ABCA6: variants seen among roughly 807,000 people sequenced by gnomAD.
ABCA6 encodes ATP-binding cassette sub-family A member 6.
In ABCA6, 164 loss-of-function variants were observed where a neutral mutation model predicts 191.2. The ratio of observed to expected loss-of-function variants is 0.86; its 90% CI spans 0.76 to 0.98. The LOEUF is 0.98. Ranked by LOEUF, ABCA6 falls within the 50% of genes least tolerant of loss-of-function variation. The pLI, the probability that ABCA6 is intolerant of heterozygous loss-of-function variation, is 0.00. For missense variants in ABCA6, 1,958 were observed against 1,894.1 expected (o/e 1.03, Z -0.63); for synonymous variants, 636 against 647.7 (o/e 0.98, Z 0.27).
chr17:69,132,842 C>T (rs991628353), intron 6 of ABCA6, among the ~76,000 whole-genome samples: 1 of 150,858 alleles, frequency 6.6e-6, no homozygotes, highest in South Asian at 2.1e-4. Flanking sequence ...AAATACATAT[C>T]TATCTACCTA....
chr17:69,106,239 C>A, intron 18 of ABCA6, 28 bp from the exon 19 acceptor site: 1 of 1,579,922 alleles, frequency 6.3e-7, no homozygotes, highest in Non-Finnish European at 8.6e-7. Flanking sequence ...CACAAACACA[C>A]ATATTATAAT....
chr17:69,107,799 A>G lies in ABCA6; in HGVS notation c.2286T>C (p.Asp762=). 6 of 1,607,194 alleles carry G rather than the reference A, an allele frequency of 3.7e-6. No individual in the cohort carries two copies. Among genetic ancestry groups the G allele is most frequent in the Non-Finnish European group, 4.2e-6 (5 of 1,176,586 alleles). Residue 762 remains aspartate, a synonymous_variant, in exon 18 of 39, where the codon GAT becomes GAC. Coordinates refer to ENST00000284425, the MANE Select transcript of ABCA6 (RefSeq NM_080284.3). ...RTNTFPDLFS[D]LDKCSDQGVT... ...CTCCCTGGTCAGAACACTTATCCAG[A>G]TCACTGAAAAGATCTAAGGCAAAAA...
At chr17:69,112,587 AGTG>A in intron 15 of ABCA6, 1 of 255,814 alleles carries the variant, frequency 3.9e-6, no homozygotes. Context: ...CTCATTTATC[AGTG>A]AGAGCTAAAA....
intron 7 of ABCA6, 101 bp from the exon 8 acceptor site, chr17:69,128,905 A>G (rs1223345155): frequency 1.1e-6 from 1 of 905,306 alleles, no homozygotes; most frequent in Non-Finnish European, 1.6e-6. Flanking sequence ...CATAACATAA[A>G]TATTTATCAG....
chr17:69,085,743 A>G, intron 30 of ABCA6, 27 bp from the exon 31 acceptor site: 3 of 1,475,294 alleles, frequency 2.0e-6, no homozygotes, highest in Non-Finnish European at 2.8e-6. Flanking sequence ...GACTATCAAT[A>G]TTGGAAGTGA....
intron 2 of ABCA6, 26 bp from the exon 3 acceptor site, chr17:69,137,526 A>G: frequency 6.3e-7 from 1 of 1,591,556 alleles, no homozygotes; most frequent in Non-Finnish European, 8.6e-7. Context: ...AAAGAAAAAT[A>G]ATGAATTAAG....
intron 14 of ABCA6, 49 bp from the exon 15 acceptor site, chr17:69,113,409 G>A (rs2073470872): frequency 1.3e-6 from 2 of 1,554,970 alleles, no homozygotes; most frequent in East Asian, 2.3e-5. Flanking sequence ...CACATTAACT[G>A]TATCCAGAAG....
intron 20 of ABCA6, chr17:69,104,138 G>T (rs2073240810): frequency 6.6e-6 from 1 of 152,002 alleles, no homozygotes; most frequent in East Asian, 1.9e-4. Context: ...GGCAGACAGG[G>T]ATGCTCACAT....
chr17:69,099,202 G>C (rs561594076), intron 22 of ABCA6, among the ~76,000 whole-genome samples: 3 of 152,278 alleles, frequency 2.0e-5, no homozygotes, highest in South Asian at 2.1e-4. Flanking sequence ...CACTCTAGCA[G>C]CATCTAGGAC....
At chr17:69,109,434 C>T (rs1288205831) in intron 17 of ABCA6, 1 of 152,042 alleles carries the variant, frequency 6.6e-6, no homozygotes, top group Non-Finnish European at 1.5e-5. Context: ...GTGCTGCTAC[C>T]CAGTTGGCAG....
chr17:69,079,299 A>T (rs2072571051), intron 37 of ABCA6, 34 bp from the exon 38 acceptor site: 1 of 1,514,988 alleles, frequency 6.6e-7, no homozygotes, highest in Non-Finnish European at 8.9e-7. Context: ...TTAATAGTAG[A>T]TGCTTACAAT....
Position 69,096,270 on chromosome 17 carries a change from GT to G in ABCA6, c.3377del (p.Asn1126ThrfsTer21). 6.6e-7 allele frequency: 1 copy of G among 1,521,482 alleles called. No individual in the cohort carries two copies. Among genetic ancestry groups the G allele is most frequent in the Admixed American group, 2.2e-5 (1 of 45,996 alleles). 94.2% of individuals were successfully genotyped at this position (1,521,482 alleles called of 1,614,324 possible). A position where few individuals can be genotyped will look rare whatever the true frequency, so the allele number is the denominator to read the frequency against. On this transcript the variant is annotated frameshift_variant, in exon 25 of 39. Coordinates refer to ENST00000284425, the MANE Select transcript of ABCA6 (RefSeq NM_080284.3). LOFTEE classifies it high-confidence loss of function. The stretch of plus-strand genomic sequence containing the variant: ...AGAAGTAAAATGACCAAAGGCCACT[GT>G]TTTTTCTCCTTTTGCGAAAAATAAA... ...ISFIFRKRRK[N>X]SGLWSFYFFF...
At chr17:69,091,325 A>G in intron 25 of ABCA6, 63 bp from the exon 26 acceptor site, 1 of 1,559,508 alleles carries the variant, frequency 6.4e-7, no homozygotes. Context: ...TTTGTAAAAC[A>G]TTTAAGATGC....
intron 6 of ABCA6, among the ~76,000 whole-genome samples, chr17:69,132,584 A>G (rs2073883606): frequency 6.6e-6 from 1 of 152,102 alleles, no homozygotes; most frequent in African/African-American, 2.4e-5. Context: ...AGGTTCCAGC[A>G]ATTCTCCTGC....
At chr17:69,089,406 G>T (rs779588563) in intron 27 of ABCA6, 59 bp downstream of exon 27, 14 of 1,491,394 alleles carry the variant, frequency 9.4e-6, no homozygotes, top group Non-Finnish European at 1.3e-5. Context: ...AGATCAAATT[G>T]TTATAGTGAA....
At chr17:69,105,665 G>T in intron 19 of ABCA6, 37 bp from the exon 20 acceptor site, 1 of 1,370,780 alleles carries the variant, frequency 7.3e-7, no homozygotes, top group South Asian at 1.3e-5. Context: ...TTAATCTCCA[G>T]GAATTTTATT....
intron 30 of ABCA6, 106 bp downstream of exon 30, chr17:69,086,510 TAG>T (rs1200626331): frequency 6.3e-6 from 2 of 317,992 alleles, no homozygotes; most frequent in Non-Finnish European, 1.1e-5. Flanking sequence ...TATATATATA[TAG>T]AATAAATGAA....
At position 69,112,263 on chromosome 17, in the gene ABCA6, C is replaced by G; in HGVS notation, c.2052G>C (p.Val684=). The part of the protein sequence containing the change: ...DEADILADRK[V]IMSNGRLKCA... Reference sequence around the variant, plus strand: ...ACTTCAGTCTCCCATTGGACATGATCACTTTTCTATCTGAATGAAAGAAAT... The same window carrying G: ...ACTTCAGTCTCCCATTGGACATGATGACTTTTCTATCTGAATGAAAGAAAT... The change falls in exon 16 of 39, where the codon GTG becomes GTC. Residue 684 remains valine, a synonymous_variant. Coordinates refer to ENST00000284425, the MANE Select transcript of ABCA6 (RefSeq NM_080284.3). The G allele has an allele frequency of 3.1e-6, 5 of 1,611,050 alleles. No homozygotes were observed. Among genetic ancestry groups the G allele is most frequent in the Non-Finnish European group, 4.2e-6 (5 of 1,177,864 alleles).
At chr17:69,097,771 T>C (rs1229516179) in intron 23 of ABCA6, 149 bp downstream of exon 23, 2 of 536,100 alleles carry the variant, frequency 3.7e-6, no homozygotes, top group Non-Finnish European at 6.1e-6. Flanking sequence ...GTAAATTATC[T>C]GACTTGCCAA....
Sources: gnomAD v4.1 joint callset for allele counts (sites outside exome capture counted in the v4.1 genomes callset) on GRCh38, gnomAD v4.1.1 for gene constraint, MANE v1.5 for transcripts, NCBI Gene and HGNC (gene_info 2026-07-23, HGNC 2026-07-21) for gene names.